The following REC114 variants were observed in gnomAD, a reference collection of about 807,000 sequenced individuals.
REC114 encodes the protein REC114 meiotic recombination protein.
Under a neutral mutation model 31.3 loss-of-function variants are expected in REC114, and 27 were observed. The observed-to-expected ratio is 0.86, with a 90% confidence interval of 0.64 to 1.19. REC114 has a LOEUF of 1.19. Among genes scored for constraint, REC114 ranks in the 50% most tolerant of loss-of-function variants. REC114 has a pLI of 0.00. For synonymous variants in REC114, 134 were observed against 127.7 expected (o/e 1.05, Z -0.33); for missense variants, 344 against 326.9 (o/e 1.05, Z -0.40).
At chr15:73,451,557 G>C (rs186971015) in intron 1 of REC114, among the ~76,000 whole-genome samples, 17 of 152,300 alleles carry the variant, frequency 1.1e-4, no homozygotes, top group African/African-American at 3.8e-4. Flanking sequence ...GAGGTACAAA[G>C]AGGAGCTGGT....
At chr15:73,505,507 C>T (rs1893664060) in intron 2 of REC114, among the ~76,000 whole-genome samples, 1 of 152,200 alleles carries the variant, frequency 6.6e-6, no homozygotes, top group African/African-American at 2.4e-5. Context: ...CTTTTCTTAT[C>T]CAACATTCAA....
At chr15:73,452,422 T>TA (rs1892863209) in intron 1 of REC114, among the ~76,000 whole-genome samples, 1 of 152,078 alleles carries the variant, frequency 6.6e-6, no homozygotes, top group Admixed American at 6.6e-5. Context: ...GAATCCAACT[T>TA]ACAAGGGATG....
chr15:73,548,729 A>ACACATG lies in REC114; in HGVS notation c.334-2206_334-2201dup, dbSNP rs140833129. On this transcript the variant is annotated intron_variant, in intron 3 of 5. Coordinates refer to ENST00000331090, the MANE Select transcript of REC114 (RefSeq NM_001042367.2). ...GAATATAAATCCTTCTGTAATATTC[A>ACACATG]CACATGCATGTTCTTTGTGGCACTA... Among the ~76,000 whole-genome samples the ACACATG allele has an allele frequency of 5.8e-3, 890 of 152,314 alleles. 6 individuals are homozygous for ACACATG. The highest frequency in any genetic ancestry group is 0.02 in the African/African-American group (848 of 41,552).
chr15:73,443,397 G>C, intron 1 of REC114, 53 bp downstream of exon 1: 6 of 1,504,380 alleles, frequency 4.0e-6, no homozygotes, highest in Non-Finnish European at 5.3e-6. Context: ...CTCAGGAGGG[G>C]AGGCTCCGCG....
intron 2 of REC114, among the ~76,000 whole-genome samples, chr15:73,476,369 A>G (rs1893215242): frequency 6.6e-6 from 1 of 152,040 alleles, no homozygotes; most frequent in African/African-American, 2.4e-5. Flanking sequence ...AATTAACCCA[A>G]TTTCCTTGTG....
intron 3 of REC114, among the ~76,000 whole-genome samples, chr15:73,543,170 T>G (rs1204908375): frequency 6.6e-6 from 1 of 152,232 alleles, no homozygotes; most frequent in African/African-American, 2.4e-5. Flanking sequence ...CATTTGTATT[T>G]CTTCTGTTAA....
At chr15:73,485,988 T>G (rs1893359541) in intron 2 of REC114, among the ~76,000 whole-genome samples, 1 of 152,240 alleles carries the variant, frequency 6.6e-6, no homozygotes, top group South Asian at 2.1e-4. Flanking sequence ...TGTTCTACGT[T>G]TATACTGTCC....
At chr15:73,482,339 G>GT (rs983209804) in intron 2 of REC114, among the ~76,000 whole-genome samples, 2 of 152,114 alleles carry the variant, frequency 1.3e-5, no homozygotes, top group African/African-American at 4.8e-5. Context: ...AGATCTGGTT[G>GT]TTTAAAATAG....
chr15:73,523,130 A>G (rs1893959055), intron 2 of REC114, among the ~76,000 whole-genome samples: 1 of 152,186 alleles, frequency 6.6e-6, no homozygotes, highest in African/African-American at 2.4e-5. Flanking sequence ...GAGGTTATAT[A>G]TATATTTATG....
intron 3 of REC114, among the ~76,000 whole-genome samples, chr15:73,546,728 C>T (rs890994527): frequency 4.7e-5 from 7 of 150,500 alleles, no homozygotes; most frequent in South Asian, 2.1e-4. Context: ...GCAGGAGAAT[C>T]GCTTGAACCC....
intron 5 of REC114, among the ~76,000 whole-genome samples, chr15:73,557,977 ACAT>A (rs1894495654): frequency 1.3e-5 from 2 of 152,224 alleles, no homozygotes; most frequent in Admixed American, 1.3e-4. Context: ...ATTGGAAACA[ACAT>A]AAATGTTCAT....
chr15:73,496,173 G>A (rs905366546), intron 2 of REC114, among the ~76,000 whole-genome samples: 1 of 151,432 alleles, frequency 6.6e-6, no homozygotes, highest in African/African-American at 2.4e-5. Flanking sequence ...CAAACATGGT[G>A]AAACTCCATC....
chr15:73,531,153 C>T (rs923288709), intron 2 of REC114, among the ~76,000 whole-genome samples: 2 of 152,190 alleles, frequency 1.3e-5, no homozygotes, highest in African/African-American at 4.8e-5. Flanking sequence ...ATTCTCCTGG[C>T]TTCCTTGCCC....
intron 5 of REC114, among the ~76,000 whole-genome samples, chr15:73,557,555 C>T (rs1894490156): frequency 6.6e-6 from 1 of 151,878 alleles, no homozygotes; most frequent in Non-Finnish European, 1.5e-5. Flanking sequence ...TTAATAAACC[C>T]CTAACTATGA....
At chr15:73,553,043 G>A (rs1894413713) in intron 4 of REC114, among the ~76,000 whole-genome samples, 1 of 152,092 alleles carries the variant, frequency 6.6e-6, no homozygotes, top group Admixed American at 6.5e-5. Context: ...TCGAACTCCT[G>A]ACCTCAGGAG....
intron 2 of REC114, among the ~76,000 whole-genome samples, chr15:73,536,746 C>T (rs77025918): frequency 1.4e-4 from 21 of 152,264 alleles, no homozygotes; most frequent in Admixed American, 5.2e-4. Context: ...GAATTTTGAA[C>T]ATTAGCATAA....
chr15:73,519,679 A>C (rs947747258), intron 2 of REC114, among the ~76,000 whole-genome samples: 1 of 152,250 alleles, frequency 6.6e-6, no homozygotes, highest in Non-Finnish European at 1.5e-5. Context: ...TCGTACACTC[A>C]TATTCATCGC....
chr15:73,472,683 C>G (rs955599732), intron 1 of REC114, among the ~76,000 whole-genome samples: 6 of 151,948 alleles, frequency 3.9e-5, no homozygotes, highest in Admixed American at 6.5e-5. Flanking sequence ...CACTTAAGAC[C>G]CAGATCCCAC....
intron 2 of REC114, among the ~76,000 whole-genome samples, chr15:73,494,866 A>G (rs1893496855): frequency 6.6e-6 from 1 of 152,220 alleles, no homozygotes; most frequent in Non-Finnish European, 1.5e-5. Flanking sequence ...AAGTTAGCGT[A>G]TATATCTAGC....
Sources: gnomAD v4.1 joint callset for allele counts (sites outside exome capture counted in the v4.1 genomes callset) on GRCh38, gnomAD v4.1.1 for gene constraint, MANE v1.5 for transcripts, NCBI Gene and HGNC (gene_info 2026-07-23, HGNC 2026-07-21) for gene names.